The following L3MBTL4 variants were observed in gnomAD, a reference collection of about 807,000 sequenced individuals.
L3MBTL4 encodes the protein L3MBTL histone methyl-lysine binding protein 4.
L3MBTL4 carries 70 observed loss-of-function variants against 84.5 expected under a neutral mutation model. That is an observed-to-expected ratio of 0.83 (90% CI 0.68 to 1.01). The LOEUF (loss-of-function observed/expected upper bound fraction) is 1.01. Among genes scored for constraint, L3MBTL4 ranks in the 50% least tolerant of loss-of-function variants. The pLI is 0.00. For missense variants in L3MBTL4, 715 were observed against 754.8 expected (o/e 0.95, Z 0.62); for synonymous variants, 274 against 259.8 (o/e 1.05, Z -0.52).
intron 5 of L3MBTL4, among the ~76,000 whole-genome samples, chr18:6,244,990 A>ACCT (rs1188923529): frequency 6.6e-6 from 1 of 152,036 alleles, no homozygotes; most frequent in Non-Finnish European, 1.5e-5. Context: ...GCTCACTGCA[A>ACCT]CCTCCACCTC....
At chr18:5,993,760 G>A (rs1827723681) in intron 16 of L3MBTL4, among the ~76,000 whole-genome samples, 2 of 152,024 alleles carry the variant, frequency 1.3e-5, no homozygotes, top group Non-Finnish European at 2.9e-5. Flanking sequence ...ATTGAATTGT[G>A]GTTATAGCCA....
intron 14 of L3MBTL4, among the ~76,000 whole-genome samples, chr18:6,129,105 G>A (rs1003642556): frequency 6.6e-6 from 1 of 152,078 alleles, no homozygotes; most frequent in Non-Finnish European, 1.5e-5. Flanking sequence ...GGCCCAAAGT[G>A]TTCCCACAGG....
intron 13 of L3MBTL4, among the ~76,000 whole-genome samples, chr18:6,164,131 G>A (rs1400073806): frequency 1.3e-5 from 2 of 152,242 alleles, no homozygotes; most frequent in South Asian, 2.1e-4. Context: ...TGAGGCTGGG[G>A]TAGGGGCGCC....
At chr18:6,412,467 G>T (rs1426337) in intron 1 of L3MBTL4, among the ~76,000 whole-genome samples, 2 of 151,826 alleles carry the variant, frequency 1.3e-5, no homozygotes, top group Non-Finnish European at 2.9e-5. Context: ...GAGTGATGGG[G>T]GGAGGAGGGA....
chr18:5,989,782 T>C lies in L3MBTL4; in HGVS notation c.1445-20220A>G, dbSNP rs1255794766. On this transcript the variant is annotated intron_variant, in intron 16 of 18. Transcript: ENST00000317931. ...CTTCACATGTCAAACAATAAGACTG[T>C]TTGCTCCTGGAGGCTGCACCCTGTC... is the stretch of plus-strand genomic sequence containing the variant. Among the ~76,000 whole-genome samples the C allele has an allele frequency of 3.3e-5, 5 of 152,318 alleles. No individual in the cohort carries two copies. The East Asian group carries it at 9.7e-4, about 29-fold the overall frequency.
intron 16 of L3MBTL4, among the ~76,000 whole-genome samples, chr18:6,079,425 G>T (rs1408946628): frequency 6.6e-6 from 1 of 152,194 alleles, no homozygotes; most frequent in African/African-American, 2.4e-5. Context: ...TTAAATTAAA[G>T]AGCACAGTAA....
At chr18:6,061,571 C>T (rs561663900) in intron 16 of L3MBTL4, among the ~76,000 whole-genome samples, 1 of 151,810 alleles carries the variant, frequency 6.6e-6, no homozygotes, top group South Asian at 2.1e-4. Flanking sequence ...TGAAGGCCAC[C>T]TAGATTTTCT....
chr18:6,374,306 G>A (rs909683479), intron 1 of L3MBTL4: 4 of 153,984 alleles, frequency 2.6e-5, no homozygotes, highest in African/African-American at 4.8e-5. Flanking sequence ...GAGCTGTCAC[G>A]AGGATTACAT....
At chr18:6,105,888 A>G (rs1307120045) in intron 14 of L3MBTL4, among the ~76,000 whole-genome samples, 1 of 152,156 alleles carries the variant, frequency 6.6e-6, no homozygotes, top group African/African-American at 2.4e-5. Flanking sequence ...TTTAGGTAGT[A>G]AAATTATAGA....
At chr18:6,035,514 G>C (rs1223261703) in intron 16 of L3MBTL4, among the ~76,000 whole-genome samples, 1 of 151,986 alleles carries the variant, frequency 6.6e-6, no homozygotes, top group African/African-American at 2.4e-5. Context: ...CTATATCTCT[G>C]TTTTGGTACC....
At chr18:6,271,199 T>C (rs1049893575) in intron 4 of L3MBTL4, among the ~76,000 whole-genome samples, 3 of 152,214 alleles carry the variant, frequency 2.0e-5, no homozygotes, top group African/African-American at 7.2e-5. Context: ...GTTAATAGAG[T>C]ATTGTACATT....
chr18:6,326,027 A>G (rs1468514807), intron 1 of L3MBTL4, among the ~76,000 whole-genome samples: 1 of 152,184 alleles, frequency 6.6e-6, no homozygotes, highest in Non-Finnish European at 1.5e-5. Context: ...GATAGGGTGC[A>G]TGCACTGCTC....
At chr18:6,329,151 CTTT>C (rs992694853) in intron 1 of L3MBTL4, among the ~76,000 whole-genome samples, 7 of 126,548 alleles carry the variant, frequency 5.5e-5, no homozygotes, top group Admixed American at 1.6e-4. Context: ...TTTTTCTTTT[CTTT>C]TTTTTTTTTT....
At chr18:6,193,286 C>G (rs1031615765) in intron 12 of L3MBTL4, among the ~76,000 whole-genome samples, 2 of 151,466 alleles carry the variant, frequency 1.3e-5, no homozygotes, top group African/African-American at 4.9e-5. Context: ...AAGCCAACAG[C>G]TAAAATAACC....
chr18:6,136,050 G>A (rs2060017727), intron 14 of L3MBTL4, among the ~76,000 whole-genome samples: 1 of 152,158 alleles, frequency 6.6e-6, no homozygotes, highest in Non-Finnish European at 1.5e-5. Flanking sequence ...GGGAAAATGA[G>A]GAAGAAAGCA....
chr18:6,388,177 T>C (rs1196428376), intron 1 of L3MBTL4, among the ~76,000 whole-genome samples: 1 of 151,984 alleles, frequency 6.6e-6, no homozygotes, highest in African/African-American at 2.4e-5. Context: ...TTTATCAACA[T>C]AAAAAAATGC....
chr18:6,377,175 A>G (rs1250239776), intron 1 of L3MBTL4, among the ~76,000 whole-genome samples: 1 of 152,136 alleles, frequency 6.6e-6, no homozygotes, highest in Non-Finnish European at 1.5e-5. Context: ...GCTTGGTTAC[A>G]AATTCATCCA....
chr18:6,380,746 C>T (rs1337174651), intron 1 of L3MBTL4, among the ~76,000 whole-genome samples: 4 of 152,162 alleles, frequency 2.6e-5, no homozygotes, highest in Non-Finnish European at 5.9e-5. Flanking sequence ...ATTATACGGT[C>T]AATTTTAGAA....
At chr18:6,354,737 C>T (rs1027681009) in intron 1 of L3MBTL4, among the ~76,000 whole-genome samples, 1 of 148,274 alleles carries the variant, frequency 6.7e-6, no homozygotes, top group Non-Finnish European at 1.5e-5. Context: ...GAGATATCAT[C>T]TCATCTAAGT....
Sources: gnomAD v4.1 joint callset for allele counts (sites outside exome capture counted in the v4.1 genomes callset) on GRCh38, gnomAD v4.1.1 for gene constraint, MANE v1.5 for transcripts, NCBI Gene and HGNC (gene_info 2026-07-23, HGNC 2026-07-21) for gene names.